ABHD12: variants seen among roughly 807,000 people sequenced by gnomAD.
The protein encoded by ABHD12 is abhydrolase domain containing 12, lysophospholipase.
Under a neutral mutation model 58.3 loss-of-function variants are expected in ABHD12, and 43 were observed. The ratio of observed to expected loss-of-function variants is 0.74; its 90% confidence interval spans 0.58 to 0.95. The LOEUF is 0.95. Ranked by LOEUF, ABHD12 falls within the 40% of genes least tolerant of loss-of-function variation. ABHD12 has a pLI of 0.00. For synonymous variants in ABHD12, 219 were observed against 211.2 expected, an observed-to-expected ratio of 1.04 and a Z score of -0.32; for missense variants, 539 against 537.2, an observed-to-expected ratio of 1.00 and a Z score of -0.03.
intron 5 of ABHD12, among the ~76,000 whole-genome samples, chr20:25,316,475 T>C (rs1035990931): frequency 2.0e-5 from 3 of 152,242 alleles, no homozygotes; most frequent in African/African-American, 7.2e-5. Context: ...TTTCATTTTA[T>C]ACACAAGTAA....
downstream of ABHD12, chr20:25,300,116 A>T: frequency 1.2e-6 from 1 of 861,398 alleles, no homozygotes; most frequent in Non-Finnish European, 1.4e-6. Context: ...AGGCTGAGTC[A>T]TGGAGTGGCT....
chr20:25,357,670 TCA>T (rs2146078913), intron 1 of ABHD12, among the ~76,000 whole-genome samples: 1 of 152,206 alleles, frequency 6.6e-6, no homozygotes, highest in Non-Finnish European at 1.5e-5. Flanking sequence ...AAGGCAAACA[TCA>T]CACAAATTTC....
chr20:25,301,778 G>A (rs1230242852), intron 12 of ABHD12, among the ~76,000 whole-genome samples: 7 of 152,254 alleles, frequency 4.6e-5, no homozygotes, highest in Non-Finnish European at 1.0e-4. Flanking sequence ...CTGGGCTGGC[G>A]CCCATGTCCT....
At chr20:25,295,670 G>C (rs755039358), downstream of ABHD12, 5 of 1,613,022 alleles carry the variant, frequency 3.1e-6, no homozygotes, top group Non-Finnish European at 4.2e-6. Flanking sequence ...AGCTGTACCG[G>C]GTGAGGCTCC....
intron 1 of ABHD12, among the ~76,000 whole-genome samples, chr20:25,373,479 G>A (rs1311006956): frequency 6.6e-6 from 1 of 151,970 alleles, no homozygotes; most frequent in Admixed American, 6.6e-5. Context: ...TCCGGAAGAT[G>A]AAGGTTGCAG....
In ABHD12 at chr20:25,314,850, A is replaced by C. The variant is rs931423678; in HGVS notation, c.619+75T>G. 5.9e-6 allele frequency: 9 copies of C among 1,536,866 alleles called. No homozygotes were observed. In the East Asian group the frequency reaches 9.0e-5, roughly 15 times the overall value. On this transcript the variant is annotated intron_variant, in intron 6 of 12. Coordinates refer to ENST00000339157, the MANE Select transcript of ABHD12 (RefSeq NM_001042472.3). ...GCTGGCCTTGCTCCGAGCCTCTTCG[A>C]GTGAGGCCTGCCCATGGGATACCGC...
chr20:25,301,331 C>T (rs1000467174), intron 12 of ABHD12, among the ~76,000 whole-genome samples: 10 of 152,212 alleles, frequency 6.6e-5, no homozygotes, highest in African/African-American at 1.7e-4. Flanking sequence ...GAATTACTCA[C>T]GGGATATACA....
At chr20:25,359,556 G>A (rs1291667878) in intron 1 of ABHD12, among the ~76,000 whole-genome samples, 1 of 151,484 alleles carries the variant, frequency 6.6e-6, no homozygotes, top group Non-Finnish European at 1.5e-5. Flanking sequence ...CATTACTGAT[G>A]TATAATAACT....
intron 1 of ABHD12, among the ~76,000 whole-genome samples, chr20:25,370,221 G>C (rs1170156686): frequency 6.6e-6 from 1 of 152,122 alleles, no homozygotes; most frequent in Non-Finnish European, 1.5e-5. Context: ...GTGATTACTG[G>C]GGTACACAGG....
At position 25,312,978 on chromosome 20, in the gene ABHD12, G is replaced by A. The variant is rs558035400; in HGVS notation, c.619+1947C>T. On this transcript the variant is annotated intron_variant, in intron 6 of 12. Coordinates refer to ENST00000339157, the MANE Select transcript of ABHD12 (RefSeq NM_001042472.3). Reference sequence around the variant, plus strand: ...GGGAGGGAGGTGGGGGCCAGCCCCCGACCGGCCAGCCACCCCGTCTGGGAG... The same window carrying A: ...GGGAGGGAGGTGGGGGCCAGCCCCCAACCGGCCAGCCACCCCGTCTGGGAG... Among the ~76,000 whole-genome samples, 981 of 145,390 alleles carry A rather than the reference G, an allele frequency of 6.7e-3. 15 individuals are homozygous for A. The highest frequency in any genetic ancestry group is 0.024 in the African/African-American group (941 of 38,848).
At chr20:25,344,430 T>A (rs1168839314) in intron 1 of ABHD12, among the ~76,000 whole-genome samples, 1 of 152,192 alleles carries the variant, frequency 6.6e-6, no homozygotes, top group Non-Finnish European at 1.5e-5. Context: ...CCATTTACAT[T>A]AGCAACCCCC....
chr20:25,376,563 T>C (rs1262936595), intron 1 of ABHD12, among the ~76,000 whole-genome samples: 1 of 152,238 alleles, frequency 6.6e-6, no homozygotes, highest in East Asian at 1.9e-4. Context: ...ACCACTGTGG[T>C]ACGGCATGTT....
At chr20:25,384,816 C>T (rs1163223038) in intron 1 of ABHD12, among the ~76,000 whole-genome samples, 1 of 152,200 alleles carries the variant, frequency 6.6e-6, no homozygotes, top group Non-Finnish European at 1.5e-5. Flanking sequence ...TCTGGCCACT[C>T]TGGGACCACA....
At chr20:25,296,373 C>T, downstream of ABHD12, 1 of 1,614,062 alleles carries the variant, frequency 6.2e-7, no homozygotes, top group Non-Finnish European at 8.5e-7. Context: ...CCTGCAGAAC[C>T]CCAAGGAGTG....
intron 2 of ABHD12, among the ~76,000 whole-genome samples, chr20:25,329,169 C>T (rs2089225824): frequency 6.6e-6 from 1 of 152,180 alleles, no homozygotes; most frequent in Non-Finnish European, 1.5e-5. Flanking sequence ...TGGCTGGAGT[C>T]CACCCTGCCC....
intron 1 of ABHD12, among the ~76,000 whole-genome samples, chr20:25,383,960 A>AC (rs1047929337): frequency 2.3e-5 from 3 of 131,566 alleles, no homozygotes; most frequent in African/African-American, 9.0e-5. Context: ...TTCTCAAAAA[A>AC]AAAAAAAAAA....
Position 25,303,558 on chromosome 20 carries a change from C to A in ABHD12, c.1021G>T (p.Gly341Cys). 1 of 1,613,656 alleles carries A rather than the reference C, an allele frequency of 6.2e-7. No homozygotes were observed. Among genetic ancestry groups the A allele is most frequent in the Non-Finnish European group, 8.5e-7 (1 of 1,179,968 alleles). The change falls in exon 11 of 13, where the codon GGC becomes TGC. Residue 341 changes from glycine to cysteine, a missense_variant. Gly to Cys is a radical substitution (Grantham distance 159, BLOSUM62 -3). Transcript: ENST00000339157. ...CAGAGGCCAGGACCCACCTTTCTGC[C>A]AAGCTGGAAGGGCACCACCGGGTCG... ...EDDPVVPFQL[G>C]RKLYSIAAPA...
intron 1 of ABHD12, chr20:25,368,592 C>A (rs2089856397): frequency 7.1e-7 from 1 of 1,400,144 alleles, no homozygotes; most frequent in Admixed American, 1.7e-5. Flanking sequence ...GATACATAAA[C>A]CCTGGAATAA....
chr20:25,328,082 A>G (rs2089206239), intron 2 of ABHD12, among the ~76,000 whole-genome samples: 1 of 152,064 alleles, frequency 6.6e-6, no homozygotes, highest in East Asian at 1.9e-4. Context: ...GATTTGAGTA[A>G]TAACAAAACG....
Sources: gnomAD v4.1 joint callset for allele counts (sites outside exome capture counted in the v4.1 genomes callset) on GRCh38, gnomAD v4.1.1 for gene constraint, MANE v1.5 for transcripts, NCBI Gene and HGNC (gene_info 2026-07-23, HGNC 2026-07-21) for gene names.